Variants in RAPH1 observed in about 807,000 individuals in gnomAD.
RAPH1 encodes the protein ras-associated and pleckstrin homology domains-containing protein 1.
Under a neutral mutation model 88.1 loss-of-function variants are expected in RAPH1, and 18 were observed. That is an observed-to-expected ratio of 0.20 (90% CI 0.14 to 0.30). RAPH1 has a LOEUF of 0.30. RAPH1 is among the 10% of genes least tolerant of loss of function. The pLI is 1.00. For missense variants in RAPH1, 1,448 were observed against 1,543.2 expected (o/e 0.94, Z 1.03); for synonymous variants, 587 against 559.0 (o/e 1.05, Z -0.71).
At chr2:203,444,819 C>G in intron 13 of RAPH1, 49 bp downstream of exon 13, 1 of 1,582,884 alleles carries the variant, frequency 6.3e-7, no homozygotes, top group African/African-American at 1.4e-5. Flanking sequence ...AATTTAAACC[C>G]AAAAGAATAC....
In RAPH1 at chr2:203,439,539, AC is replaced by A; in HGVS notation, c.3650del (p.Gly1217ValfsTer43). 1 of 1,614,124 alleles carries A rather than the reference AC, an allele frequency of 6.2e-7. No individual in the cohort carries two copies. The highest frequency in any genetic ancestry group is 8.5e-7 in the Non-Finnish European group (1 of 1,180,022). On this transcript the variant is annotated frameshift_variant, in exon 14 of 14. Transcript: ENST00000319170. LOFTEE classifies it high-confidence loss of function. ...PELLSDQQKA[G>X]YGGSHISGYA... is the part of the protein sequence containing the mutation. ...AGCCTGATATATGACTGCCTCCGTAACCAGCCTTCTGTTGATCAGACAGCAG... is the reference window on the plus strand; with the variant it reads ...AGCCTGATATATGACTGCCTCCGTAACAGCCTTCTGTTGATCAGACAGCAG...
chr2:203,494,192 A>T (rs541498554), intron 2 of RAPH1, among the ~76,000 whole-genome samples: 3 of 152,200 alleles, frequency 2.0e-5, no homozygotes, highest in Non-Finnish European at 4.4e-5. Context: ...TTAGTTAAGG[A>T]ATCTCATACC....
intron 1 of RAPH1, among the ~76,000 whole-genome samples, chr2:203,505,576 C>A (rs1423610571): frequency 6.6e-6 from 1 of 152,068 alleles, no homozygotes; most frequent in Admixed American, 6.6e-5. Flanking sequence ...TACAAAGAAA[C>A]CCCTAACATC....
At position 203,436,955 on chromosome 2, in the gene RAPH1, C is replaced by T. The variant is rs1362748930; in HGVS notation, c.*2482G>A. 1.3e-5 allele frequency: 2 copies of T among 152,074 alleles called. No individual in the cohort carries two copies. Among genetic ancestry groups the T allele is most frequent in the African/African-American group, 4.8e-5 (2 of 41,390 alleles). The allele number at this position is 152,074 out of a possible 1,614,324, so 9.4% of individuals were successfully genotyped here. On this transcript the variant is annotated 3_prime_UTR_variant, in exon 14 of 14. Coordinates refer to ENST00000319170, the MANE Select transcript of RAPH1 (RefSeq NM_213589.3). ...ATGAGGTTAAAACATTTTTAATAGC[C>T]ATTTCTGTCTGTGGAGGAATGTAAA...
chr2:203,455,490 A>G lies in RAPH1; in HGVS notation c.1249T>C (p.Tyr417His). The G allele has an allele frequency of 6.2e-7, 1 of 1,614,064 alleles. No homozygotes were observed. The highest frequency in any genetic ancestry group is 8.5e-7 in the Non-Finnish European group (1 of 1,179,950). Residue 417 changes from tyrosine (Y) to histidine (H), a missense_variant, in exon 9 of 14, where the codon TAT (tyrosine) becomes CAT (histidine). By Grantham distance (83) the Tyr-to-His change is moderately conservative. Coordinates refer to ENST00000319170, the MANE Select transcript of RAPH1 (RefSeq NM_213589.3). ...ATACCAGATGCTCGCAAGAGAAAAT[A>G]ACGCTTTTTCCAGGACTTCTTGCCA... is the stretch of plus-strand genomic sequence containing the variant. ...DDGKKSWKKR[Y>H]FLLRASGIYY... is the part of the protein sequence containing the mutation.
chr2:203,531,485 AT>A (rs555907873), intron 1 of RAPH1, among the ~76,000 whole-genome samples: 72 of 152,376 alleles, frequency 4.7e-4, no homozygotes, highest in African/African-American at 1.7e-3. Flanking sequence ...TGCAAATCAT[AT>A]ATTTGATAAG....
chr2:203,442,355 T>TA lies in RAPH1; in HGVS notation c.1777-943dup, dbSNP rs1347908836. Reference sequence around the variant, plus strand: ...GGAAGGACCCTTGTTTTAAAAACTTTAGGTACATCTTTTAGGCTCTTTGAA... The same window carrying TA: ...GGAAGGACCCTTGTTTTAAAAACTTTAAGGTACATCTTTTAGGCTCTTTGAA... On this transcript the variant is annotated intron_variant, in intron 13 of 13. Transcript: ENST00000319170. 7.9e-5 allele frequency: 23 copies of TA among 290,498 alleles called. No individual in the cohort carries two copies. In the East Asian group the frequency reaches 1.3e-3, roughly 17 times the overall value. The allele number at this position is 290,498 out of a possible 1,614,324, so 18.0% of individuals were successfully genotyped here.
chr2:203,441,382 G>A lies in RAPH1; in HGVS notation c.1808C>T (p.Thr603Ile). The change falls in exon 14 of 14, where the codon ACT (threonine) becomes ATT (isoleucine). Residue 603 changes from threonine to isoleucine, a missense_variant. Transcript: ENST00000319170. ...ARMESMNRPY[T>I]SLVPPLSPQP... ...CGGGGATAAAGGGGGCACAAGTGAA[G>A]TGTAGGGCCGATTCATAGACTCCAT... 1 of 1,569,062 alleles carries A rather than the reference G, an allele frequency of 6.4e-7. No individual in the cohort carries two copies. The highest frequency in any genetic ancestry group is 1.2e-5 in the South Asian group (1 of 81,210).
At position 203,436,653 on chromosome 2, in the gene RAPH1, A is replaced by G. The variant is rs1215888002; in HGVS notation, c.*2784T>C. 1 of 152,232 alleles carries G rather than the reference A, an allele frequency of 6.6e-6. No individual in the cohort carries two copies. The highest frequency in any genetic ancestry group is 1.5e-5 in the Non-Finnish European group (1 of 68,048). 9.4% of individuals were successfully genotyped at this position (152,232 alleles called of 1,614,324 possible). A position where few individuals can be genotyped will look rare whatever the true frequency, so the allele number is the denominator to read the frequency against. ...CCTCAGCAGCAGGATGAGTTAATCC[A>G]TGCTGTTCACTTTTCAGTACAGCCA... On this transcript the variant is annotated 3_prime_UTR_variant, in exon 14 of 14. Coordinates refer to ENST00000319170, the MANE Select transcript of RAPH1 (RefSeq NM_213589.3).
chr2:203,443,171 A>G (rs944012557), intron 13 of RAPH1: 2 of 152,220 alleles, frequency 1.3e-5, no homozygotes, highest in African/African-American at 4.8e-5. Flanking sequence ...TGAACCACAT[A>G]TACGAATGAA....
At chr2:203,459,354 C>T (rs1010637773) in intron 7 of RAPH1, among the ~76,000 whole-genome samples, 2 of 152,130 alleles carry the variant, frequency 1.3e-5, no homozygotes, top group Non-Finnish European at 2.9e-5. Flanking sequence ...TTTTCCCTCA[C>T]CTACTGAATT....
In RAPH1 at chr2:203,441,347, T is replaced by C; in HGVS notation, c.1843A>G (p.Ile615Val). 6.3e-7 allele frequency: 1 copy of C among 1,576,880 alleles called. No individual in the cohort carries two copies. The highest frequency in any genetic ancestry group is 1.7e-5 in the Admixed American group (1 of 57,628). ...TGTGAAGCAGTGTAGGGGGTGACTA[T>C]CTTAGGTTGCGGGGATAAAGGGGGC... Reference protein sequence around the residue: ...LVPPLSPQPKIVTPYTASQPS... With the variant: ...LVPPLSPQPKVVTPYTASQPS... The change falls in exon 14 of 14, where the codon ATA (isoleucine) becomes GTA (valine). Residue 615 changes from isoleucine (I) to valine (V), a missense_variant. Ile to Val is a conservative substitution (Grantham distance 29). Coordinates refer to ENST00000319170, the MANE Select transcript of RAPH1 (RefSeq NM_213589.3).
intron 10 of RAPH1, among the ~76,000 whole-genome samples, chr2:203,452,951 A>C (rs1441236211): frequency 6.6e-6 from 1 of 152,162 alleles, no homozygotes; most frequent in Non-Finnish European, 1.5e-5. Context: ...TAAATAAATA[A>C]ATAAATAGAC....
intron 4 of RAPH1, among the ~76,000 whole-genome samples, chr2:203,488,807 A>G (rs1023135142): frequency 4.0e-5 from 6 of 151,830 alleles, no homozygotes; most frequent in African/African-American, 1.5e-4. Flanking sequence ...GCCCTTTCCA[A>G]TATACCATAC....
At chr2:203,493,132 G>C (rs1688347754) in intron 2 of RAPH1, among the ~76,000 whole-genome samples, 1 of 152,210 alleles carries the variant, frequency 6.6e-6, no homozygotes. Context: ...CATATTAGCA[G>C]TGAGTCACAC....
intron 1 of RAPH1, among the ~76,000 whole-genome samples, chr2:203,511,685 C>G (rs1030734371): frequency 2.0e-5 from 3 of 151,994 alleles, no homozygotes; most frequent in Non-Finnish European, 4.4e-5. Flanking sequence ...TCTCTACCTT[C>G]TTTACATTTC....
chr2:203,500,635 G>C (rs1438230954), intron 1 of RAPH1, among the ~76,000 whole-genome samples: 1 of 152,132 alleles, frequency 6.6e-6, no homozygotes, highest in African/African-American at 2.4e-5. Context: ...AAGTTACCCA[G>C]GGTATTGCTT....
chr2:203,506,866 A>C lies in RAPH1; in HGVS notation c.1-11513T>G, dbSNP rs377760691. 9.3e-3 allele frequency among the ~76,000 whole-genome samples: 842 copies of C among 90,630 alleles called. 80 individuals are homozygous for C. Among genetic ancestry groups the C allele is most frequent in the African/African-American group, 0.024 (433 of 18,232 alleles). The allele number at this position is 90,630 out of a possible 152,430, so 59.5% of individuals were successfully genotyped here. On this transcript the variant is annotated intron_variant, in intron 1 of 13. Coordinates refer to ENST00000319170, the MANE Select transcript of RAPH1 (RefSeq NM_213589.3). Reference sequence around the variant, plus strand: ...TATATCTATCTATATCTATATATATATATATATATATATAGATATATATAT... The same window carrying C: ...TATATCTATCTATATCTATATATATCTATATATATATATAGATATATATAT...
At chr2:203,507,890 G>A (rs1050521723) in intron 1 of RAPH1, among the ~76,000 whole-genome samples, 1 of 152,096 alleles carries the variant, frequency 6.6e-6, no homozygotes, top group African/African-American at 2.4e-5. Flanking sequence ...GTATTGCAGT[G>A]ACGTAAGAGA....
Sources: allele counts gnomAD v4.1 joint callset (sites outside exome capture counted in the v4.1 genomes callset), GRCh38; gene constraint gnomAD v4.1.1; transcripts MANE v1.5; gene names NCBI Gene and HGNC (gene_info 2026-07-23, HGNC 2026-07-21).